Variants in THBS1 observed in about 807,000 individuals in gnomAD.
THBS1 encodes thrombospondin-1.
In THBS1, 29 loss-of-function variants were observed where a neutral mutation model predicts 126.1. The observed-to-expected ratio is 0.23, with a 90% CI of 0.17 to 0.31. The LOEUF is 0.31. Among genes scored for constraint, THBS1 ranks in the 10% least tolerant of loss-of-function variants. The probability of loss-of-function intolerance (pLI) is 1.00; values close to 1 mark genes in which losing one functional copy is unlikely to be tolerated. For missense variants in THBS1, 1,198 were observed against 1,545.2 expected, an observed-to-expected ratio of 0.78 and a Z score of 3.77; for synonymous variants, 496 against 577.8, an observed-to-expected ratio of 0.86 and a Z score of 2.03.
In THBS1 at chr15:39,588,091, T is replaced by G. The variant is rs1890242949; in HGVS notation, c.1344T>G (p.Ser448=). 6.2e-7 allele frequency: 1 copy of G among 1,614,254 alleles called. No homozygotes were observed. The highest frequency in any genetic ancestry group is 1.6e-4 in the Middle Eastern group (1 of 6,062). The stretch of plus-strand genomic sequence containing the variant: ...ACTGGTCCCCGTGGTCATCTTGTTC[T>G]GTGACATGTGGTGATGGTGTGATCA... ...WSHWSPWSSC[S]VTCGDGVITR... is the part of the protein sequence containing the mutation. Residue 448 remains serine, a synonymous_variant, in exon 9 of 22, where the codon TCT becomes TCG. Coordinates refer to ENST00000260356, the MANE Select transcript of THBS1 (RefSeq NM_003246.4).
At chr15:39,595,184 T>G (rs1890410371) in intron 21 of THBS1, among the ~76,000 whole-genome samples, 178 bp from the exon 22 acceptor site, 1 of 152,234 alleles carries the variant, frequency 6.6e-6, no homozygotes, top group African/African-American at 2.4e-5. Context: ...GTCGGTCTCC[T>G]AGCATCAATG....
chr15:39,589,378 C>G lies in THBS1; in HGVS notation c.1926+24C>G, dbSNP rs1275484459. 6.2e-6 allele frequency: 10 copies of G among 1,612,860 alleles called. No homozygotes were observed. In the South Asian group the frequency reaches 1.1e-4, roughly 18 times the overall value. On this transcript the variant is annotated intron_variant, in intron 12 of 21. Transcript: ENST00000260356. This position sits in a 1 kb window ranked among gnomAD's most constrained non-coding sequence, Gnocchi z 4.7. ...AGGTACAGTCAACTAGACGAGTAAA[C>G]CAGAGGACAGGAGAGCTGTCCTTGA...
At position 39,588,143 on chromosome 15, in the gene THBS1, A is replaced by C. The variant is rs771890366; in HGVS notation, c.1396A>C (p.Ser466Arg). Residue 466 changes from serine (S) to arginine (R), a missense_variant, in exon 9 of 22, where the codon AGC becomes CGC. This residue lies in a region of THBS1 where 663 missense variants were observed against 860.1 expected (regional missense o/e 0.77). Transcript: ENST00000260356. Reference protein sequence around the residue: ...ITRIRLCNSPSPQMNGKPCEG... With the variant: ...ITRIRLCNSPRPQMNGKPCEG... ...AAGGATCCGGCTCTGCAACTCTCCC[A>C]GCCCCCAGATGAACGGGAAACCCTG... 1 of 1,614,186 alleles carries C rather than the reference A, an allele frequency of 6.2e-7. No homozygotes were observed. Among genetic ancestry groups the C allele is most frequent in the South Asian group, 1.1e-5 (1 of 91,074 alleles).
intron 7 of THBS1, 120 bp from the exon 8 acceptor site, chr15:39,587,227 A>C (rs1452328874): frequency 6.0e-6 from 6 of 997,276 alleles, no homozygotes; most frequent in Non-Finnish European, 8.5e-6. Context: ...CAGTAAAGCC[A>C]AAAAGAAATA....
chr15:39,591,694 A>C, intron 16 of THBS1, 71 bp downstream of exon 16: 1 of 1,411,494 alleles, frequency 7.1e-7, no homozygotes, highest in Non-Finnish European at 1.0e-6. Context: ...CCTTTGAAAA[A>C]TGAGCTTAAC....
At chr15:39,595,041 G>GT (rs764370053) in intron 21 of THBS1, among the ~76,000 whole-genome samples, 58 of 152,142 alleles carry the variant, frequency 3.8e-4, no homozygotes, top group Non-Finnish European at 6.6e-4. Flanking sequence ...GAGAAAGATG[G>GT]TTGATTTTAC....
chr15:39,591,973 A>G (rs1890337040), intron 16 of THBS1, among the ~76,000 whole-genome samples: 1 of 152,256 alleles, frequency 6.6e-6, no homozygotes, highest in Non-Finnish European at 1.5e-5. Context: ...ATACTAAGAG[A>G]TGGAAAAATA....
intron 7 of THBS1, among the ~76,000 whole-genome samples, chr15:39,586,349 A>G (rs1170176329): frequency 6.6e-6 from 1 of 152,198 alleles, no homozygotes; most frequent in East Asian, 1.9e-4. Flanking sequence ...TCTGTTCCGC[A>G]TTCACTTAAC....
Position 39,592,859 on chromosome 15 carries a change from G to GGTCGCCGTATCATT in THBS1, c.2767+57_2767+58insGTCGCCGTATCATT. The GGTCGCCGTATCATT allele has an allele frequency of 6.4e-7, 1 of 1,559,986 alleles. No individual in the cohort carries two copies. The highest frequency in any genetic ancestry group is 8.7e-7 in the Non-Finnish European group (1 of 1,146,316). On this transcript the variant is annotated intron_variant, in intron 17 of 21. Coordinates refer to ENST00000260356, the MANE Select transcript of THBS1 (RefSeq NM_003246.4). This position sits in a 1 kb window ranked among gnomAD's most constrained non-coding sequence, Gnocchi z 4.3. ...GACTGCTGGCACAGCTGTGTAGATT[G>GGTCGCCGTATCATT]AAGAAATGAAACCAAGGCTCAAAGC...
chr15:39,589,761 G>T lies in THBS1; in HGVS notation c.1927-44G>T, dbSNP rs963566505. On this transcript the variant is annotated intron_variant, in intron 12 of 21. Coordinates refer to ENST00000260356, the MANE Select transcript of THBS1 (RefSeq NM_003246.4). This position sits in a 1 kb window ranked among gnomAD's most constrained non-coding sequence, Gnocchi z 4.7. ...GATTCTTGTTTCCATGATATCTGAG[G>T]ATTCTCAAAAGCTCTGTGTAACAGC... 6 of 1,528,226 alleles carry T rather than the reference G, an allele frequency of 3.9e-6. No homozygotes were observed. In the African/African-American group the frequency reaches 6.9e-5, roughly 18 times the overall value. The allele number at this position is 1,528,226 out of a possible 1,614,324, so 94.7% of individuals were successfully genotyped here. A position where few individuals can be genotyped will look rare whatever the true frequency, so the allele number is the denominator to read the frequency against.
At chr15:39,590,867 T>C in intron 14 of THBS1, 1 of 542,104 alleles carries the variant, frequency 1.8e-6, no homozygotes, top group Non-Finnish European at 3.2e-6. Flanking sequence ...TTATAATGCA[T>C]AAACAAATGC....
chr15:39,587,633 C>G, intron 8 of THBS1, 113 bp downstream of exon 8: 1 of 1,125,538 alleles, frequency 8.9e-7, no homozygotes, highest in Non-Finnish European at 1.2e-6. Flanking sequence ...ATCTCTGGAT[C>G]CCAATCCCAC....
chr15:39,582,878 C>T, intron 3 of THBS1, 126 bp downstream of exon 3: 2 of 1,114,298 alleles, frequency 1.8e-6, no homozygotes, highest in Non-Finnish European at 2.5e-6. Context: ...GCAGCATGAG[C>T]ATCACCTGGA....
chr15:39,586,115 CT>C (rs1890203515), intron 7 of THBS1, among the ~76,000 whole-genome samples: 1 of 152,142 alleles, frequency 6.6e-6, no homozygotes, highest in South Asian at 2.1e-4. Context: ...AAATGAATGA[CT>C]TTGCTGAGAC....
chr15:39,588,111 T>A lies in THBS1; in HGVS notation c.1364T>A (p.Val455Glu), dbSNP rs774286178. 2 of 1,614,116 alleles carry A rather than the reference T, an allele frequency of 1.2e-6. No homozygotes were observed. The highest frequency in any genetic ancestry group is 1.7e-6 in the Non-Finnish European group (2 of 1,180,050). The stretch of plus-strand genomic sequence containing the variant: ...TGTTCTGTGACATGTGGTGATGGTG[T>A]GATCACAAGGATCCGGCTCTGCAAC... ...SSCSVTCGDG[V>E]ITRIRLCNSP... Residue 455 changes from valine (V) to glutamate (E), a missense_variant, in exon 9 of 22, where the codon GTG (valine) becomes GAG (glutamate). Physicochemically the swap from Val to Glu is moderately radical, Grantham distance 121. Coordinates refer to ENST00000260356, the MANE Select transcript of THBS1 (RefSeq NM_003246.4).
In THBS1 at chr15:39,582,545, G is replaced by A. The variant is rs1439527349; in HGVS notation, c.420G>A (p.Val140=). Residue 140 remains valine (V), a synonymous_variant, in exon 3 of 22, where the codon GTG becomes GTA. Coordinates refer to ENST00000260356, the MANE Select transcript of THBS1 (RefSeq NM_003246.4). ...TGACCGTCCAAGGAAAGCAGCACGT[G>A]GTGTCTGTGGAAGAAGCTCTCCTGG... ...LSLTVQGKQH[V]VSVEEALLAT... The A allele has an allele frequency of 1.2e-6, 2 of 1,614,070 alleles. No homozygotes were observed. Among genetic ancestry groups the A allele is most frequent in the Non-Finnish European group, 1.7e-6 (2 of 1,180,036 alleles).
intron 2 of THBS1, 128 bp downstream of exon 2, chr15:39,582,052 C>G: frequency 3.5e-5 from 47 of 1,327,306 alleles, no homozygotes; most frequent in Non-Finnish European, 4.9e-5. Flanking sequence ...CAGCTTCACT[C>G]TGATCCTGGT....
At chr15:39,590,440 C>A in intron 13 of THBS1, 76 bp from the exon 14 acceptor site, 1 of 1,149,414 alleles carries the variant, frequency 8.7e-7, no homozygotes, top group Non-Finnish European at 1.2e-6. Context: ...TTTGGAATTC[C>A]AGGTACACTC....
chr15:39,594,435 G>A lies in THBS1; in HGVS notation c.3500G>A (p.Cys1167Tyr). ...MVFFSDLKYE[C>Y]RDP ...TTCTTCTCTGACCTGAAATACGAAT[G>A]TAGAGGTAAGAGCAACATCACCATG... The change falls in exon 21 of 22, where the codon TGT becomes TAT. Residue 1167 changes from cysteine (C) to tyrosine (Y), a missense_variant. This residue lies in a region of THBS1 where 255 missense variants were observed against 373.9 expected (regional missense o/e 0.68). Coordinates refer to ENST00000260356, the MANE Select transcript of THBS1 (RefSeq NM_003246.4). This position sits in a 1 kb window ranked among gnomAD's most constrained non-coding sequence, Gnocchi z 4.4. 1.2e-6 allele frequency: 2 copies of A among 1,613,936 alleles called. No homozygotes were observed. Among genetic ancestry groups the A allele is most frequent in the Non-Finnish European group, 8.5e-7 (1 of 1,179,908 alleles).
Sources: gnomAD v4.1 joint callset for allele counts (sites outside exome capture counted in the v4.1 genomes callset) on GRCh38, gnomAD v4.1.1 for gene constraint, gnomAD v4.1.1 regional missense constraint, Gnocchi (gnomAD v3.1) non-coding constraint, MANE v1.5 for transcripts, NCBI Gene and HGNC (gene_info 2026-07-23, HGNC 2026-07-21) for gene names.